STAC: variants seen among roughly 807,000 people sequenced by gnomAD.
STAC encodes the protein SH3 and cysteine rich domain, also known as SH3 and cysteine-rich domain-containing protein.
In STAC, 43 loss-of-function variants were observed where a neutral mutation model predicts 48.8. The observed-to-expected ratio is 0.88, with a 90% CI of 0.69 to 1.14. The LOEUF (loss-of-function observed/expected upper bound fraction) is 1.14. Among genes scored for constraint, STAC ranks in the 50% most tolerant of loss-of-function variants. The pLI is 0.00. For synonymous variants in STAC, 193 were observed against 179.5 expected, an observed-to-expected ratio of 1.07 and a Z score of -0.60; for missense variants, 497 against 504.0, an observed-to-expected ratio of 0.99 and a Z score of 0.13.
intron 8 of STAC, among the ~76,000 whole-genome samples, chr3:36,519,085 A>ACT (rs1244532389): frequency 6.6e-6 from 1 of 152,088 alleles, no homozygotes; most frequent in Non-Finnish European, 1.5e-5. Flanking sequence ...GTGAGCAGTC[A>ACT]CTCTCTCTCC....
At chr3:36,483,732 C>A (rs77069230) in intron 3 of STAC, among the ~76,000 whole-genome samples, 2,637 of 152,210 alleles carry the variant, frequency 0.017, 20 homozygotes, top group Non-Finnish European at 0.021. Flanking sequence ...TGGGTTGATC[C>A]CTTAAGCCCA....
chr3:36,443,449 G>A lies in STAC; in HGVS notation c.197G>A (p.Ser66Asn). Reference sequence around the variant, plus strand: ...GACAACTTCTTCCAGCGAACCAACAGCGAAGACATGAAACTGCAAGCACAC... The same window carrying A: ...GACAACTTCTTCCAGCGAACCAACAACGAAGACATGAAACTGCAAGCACAC... ...SADNFFQRTNSEDMKLQAHMV... is the reference protein window; with the variant it reads ...SADNFFQRTNNEDMKLQAHMV... Residue 66 changes from serine to asparagine, a missense_variant, in exon 2 of 11, where the codon AGC becomes AAC. Ser to Asn is a conservative substitution (Grantham distance 46). Transcript: ENST00000273183. The surrounding 1 kb of genome is among the most constrained non-coding windows in gnomAD (Gnocchi z 4.2). 6.2e-7 allele frequency: 1 copy of A among 1,614,200 alleles called. No individual in the cohort carries two copies. Among genetic ancestry groups the A allele is most frequent in the Non-Finnish European group, 8.5e-7 (1 of 1,180,038 alleles).
At chr3:36,425,987 G>A (rs1482281583) in intron 1 of STAC, among the ~76,000 whole-genome samples, 1 of 152,046 alleles carries the variant, frequency 6.6e-6, no homozygotes, top group African/African-American at 2.4e-5. Context: ...AGCTGAGATT[G>A]TACCACTGCA....
At chr3:36,419,967 A>C (rs1041789713) in intron 1 of STAC, among the ~76,000 whole-genome samples, 1 of 151,970 alleles carries the variant, frequency 6.6e-6, no homozygotes, top group African/African-American at 2.4e-5. Flanking sequence ...AGATTATCAT[A>C]CTCCTTGCTA....
intron 1 of STAC, among the ~76,000 whole-genome samples, chr3:36,434,000 T>C (rs1700768015): frequency 6.6e-6 from 1 of 152,226 alleles, no homozygotes; most frequent in Admixed American, 6.5e-5. Flanking sequence ...GAAATCAAGC[T>C]GTGAGTGGGG....
chr3:36,509,592 GT>G (rs1442076610), intron 8 of STAC, among the ~76,000 whole-genome samples: 1 of 151,920 alleles, frequency 6.6e-6, no homozygotes, highest in Non-Finnish European at 1.5e-5. Context: ...TGGAGGCTTT[GT>G]TTATTCCTTT....
chr3:36,460,653 A>G (rs1696991067), intron 2 of STAC, among the ~76,000 whole-genome samples: 1 of 114,830 alleles, frequency 8.7e-6, no homozygotes, highest in African/African-American at 3.2e-5. Flanking sequence ...TACACAGAAC[A>G]AAGAATTACC....
chr3:36,420,571 A>G (rs191668461), intron 1 of STAC, among the ~76,000 whole-genome samples: 4 of 152,326 alleles, frequency 2.6e-5, no homozygotes, highest in African/African-American at 4.8e-5. Flanking sequence ...TGAACTGTGC[A>G]TGCGAGGACG....
At chr3:36,447,501 C>A (rs1357589720) in intron 2 of STAC, among the ~76,000 whole-genome samples, 1 of 152,136 alleles carries the variant, frequency 6.6e-6, no homozygotes, top group Non-Finnish European at 1.5e-5. Context: ...GAAAATACTA[C>A]ATTACACTGA....
intron 6 of STAC, among the ~76,000 whole-genome samples, chr3:36,495,666 ACT>A (rs1698134442): frequency 6.6e-6 from 1 of 152,244 alleles, no homozygotes; most frequent in Non-Finnish European, 1.5e-5. Context: ...CACAATTTAC[ACT>A]GAGGGTTTCT....
At chr3:36,524,460 C>G (rs929785446) in intron 8 of STAC, among the ~76,000 whole-genome samples, 2 of 152,022 alleles carry the variant, frequency 1.3e-5, no homozygotes, top group Admixed American at 6.5e-5. Context: ...GGCATGGTAG[C>G]GGGCGCCTTT....
In STAC at chr3:36,486,246, C is replaced by T. The variant is rs761812504; in HGVS notation, c.684C>T (p.Thr228=). The T allele has an allele frequency of 3.1e-6, 5 of 1,613,110 alleles. No individual in the cohort carries two copies. The highest frequency in any genetic ancestry group is 4.2e-6 in the Non-Finnish European group (5 of 1,179,398). Reference sequence around the variant, plus strand: ...GTGGCTCTGACTCACCTCACAGAACCTCTGTAATTATCCTCTTCCTTCCTC... The same window carrying T: ...GTGGCTCTGACTCACCTCACAGAACTTCTGTAATTATCCTCTTCCTTCCTC... The part of the protein sequence containing the change: ...SGSGSDSPHR[T]STSDLVEVPE... The change falls in exon 5 of 11, where the codon ACC becomes ACT. Residue 228 remains threonine (T), a synonymous_variant. Coordinates refer to ENST00000273183, the MANE Select transcript of STAC (RefSeq NM_003149.3).
intron 3 of STAC, among the ~76,000 whole-genome samples, chr3:36,484,726 G>A (rs1040266908): frequency 6.6e-6 from 1 of 152,232 alleles, no homozygotes; most frequent in African/African-American, 2.4e-5. Flanking sequence ...GAGGAGGACA[G>A]ACACGACTGG....
intron 1 of STAC, among the ~76,000 whole-genome samples, chr3:36,412,280 AAAGG>A (rs1700212714): frequency 6.6e-6 from 1 of 152,176 alleles, no homozygotes; most frequent in Admixed American, 6.5e-5. Flanking sequence ...GGAAAGAAAG[AAAGG>A]GAGGGACAAT....
chr3:36,473,252 GGGAATT>G (rs1412890256), intron 2 of STAC, among the ~76,000 whole-genome samples: 1 of 151,302 alleles, frequency 6.6e-6, no homozygotes, highest in Admixed American at 6.6e-5. Flanking sequence ...CACAACACAT[GGGAATT>G]CTGGGAGATA....
chr3:36,410,992 C>T (rs764363537), intron 1 of STAC, among the ~76,000 whole-genome samples: 1 of 152,148 alleles, frequency 6.6e-6, no homozygotes, highest in Admixed American at 6.5e-5. Context: ...AAAGCAACTG[C>T]CCAATATCTA....
chr3:36,398,302 A>AGAAG (rs1491458085), intron 1 of STAC, among the ~76,000 whole-genome samples: 2 of 109,002 alleles, frequency 1.8e-5, no homozygotes, highest in East Asian at 2.6e-4. Context: ...TAAAAAAGAA[A>AGAAG]GAAAGAAAGA....
chr3:36,463,542 G>A (rs181817602), intron 2 of STAC, among the ~76,000 whole-genome samples: 100 of 150,840 alleles, frequency 6.6e-4, no homozygotes, highest in Non-Finnish European at 8.6e-4. Context: ...TAAGTTTTCG[G>A]GTACATGTAT....
chr3:36,441,945 G>T (rs75327592), intron 1 of STAC, among the ~76,000 whole-genome samples: 2,295 of 151,668 alleles, frequency 0.015, 30 homozygotes, highest in African/African-American at 0.022. Context: ...GGAGGTTTGT[G>T]TTTTTTTTGC....
Sources: allele counts gnomAD v4.1 joint callset (sites outside exome capture counted in the v4.1 genomes callset), GRCh38; gene constraint gnomAD v4.1.1; non-coding constraint Gnocchi (gnomAD v3.1); transcripts MANE v1.5; gene names NCBI Gene and HGNC (gene_info 2026-07-23, HGNC 2026-07-21).